The following CYP39A1 variants were observed in gnomAD, a reference collection of about 807,000 sequenced individuals.
CYP39A1 encodes the protein 24-hydroxycholesterol 7-alpha-hydroxylase.
A neutral mutation model predicts 58.1 loss-of-function variants in CYP39A1; 49 were observed. The observed-to-expected ratio is 0.84, with a 90% confidence interval of 0.67 to 1.07. The LOEUF (loss-of-function observed/expected upper bound fraction) is 1.07. Among genes scored for constraint, CYP39A1 ranks in the 50% least tolerant of loss-of-function variants. The probability of loss-of-function intolerance (pLI) is 0.00; values close to 1 mark genes in which losing one functional copy is unlikely to be tolerated. For missense variants in CYP39A1, 531 were observed against 539.4 expected (o/e 0.98, Z 0.16); for synonymous variants, 209 against 187.6 (o/e 1.11, Z -0.93).
At chr6:46,632,005 C>T (rs1775692671) in intron 5 of CYP39A1, among the ~76,000 whole-genome samples, 1 of 152,210 alleles carries the variant, frequency 6.6e-6, no homozygotes, top group South Asian at 2.1e-4. Context: ...AATATCAACT[C>T]ACTGCTTGCT....
At chr6:46,636,914 A>G (rs1776024288) in intron 4 of CYP39A1, among the ~76,000 whole-genome samples, 1 of 152,152 alleles carries the variant, frequency 6.6e-6, no homozygotes, top group Non-Finnish European at 1.5e-5. Context: ...TACGTAGGCT[A>G]TGGTCTGAAT....
Position 46,652,478 on chromosome 6 carries a change from C to A in CYP39A1, c.105G>T (p.Trp35Cys). ...NLRRPPCIKG[W>C]IPWIGVGFEF... Reference sequence around the variant, plus strand: ...CAAATCCAACTCCAATCCAAGGAATCCAGCCCTTGATGCACGGGGGTCTAC... The same window carrying A: ...CAAATCCAACTCCAATCCAAGGAATACAGCCCTTGATGCACGGGGGTCTAC... The change falls in exon 1 of 12, where the codon TGG (tryptophan) becomes TGT (cysteine). Residue 35 changes from tryptophan to cysteine, a missense_variant. By Grantham distance (215) the Trp-to-Cys change is radical (BLOSUM62 -2). Transcript: ENST00000275016. 1.2e-6 allele frequency: 2 copies of A among 1,613,934 alleles called. No individual in the cohort carries two copies. The highest frequency in any genetic ancestry group is 1.1e-5 in the South Asian group (1 of 90,990).
chr6:46,602,820 T>C (rs1341738505), intron 7 of CYP39A1, among the ~76,000 whole-genome samples: 1 of 151,064 alleles, frequency 6.6e-6, no homozygotes, highest in Non-Finnish European at 1.5e-5. Flanking sequence ...TTATCTTTTC[T>C]ATTTTATAAA....
rs114086751 is a variant in CYP39A1, at chr6:46,563,439, A to G, written c.1251-9585T>C. 9.4e-3 allele frequency among the ~76,000 whole-genome samples: 1,427 copies of G among 152,328 alleles called. 21 individuals are homozygous for G. The highest frequency in any genetic ancestry group is 0.033 in the African/African-American group (1,356 of 41,564). ...TAATAAAGCTCATTAAAATAGAAAC[A>G]TGTTGAAAATTTTTTAAATACTTGG... On this transcript the variant is annotated intron_variant, in intron 10 of 11. Coordinates refer to ENST00000275016, the MANE Select transcript of CYP39A1 (RefSeq NM_016593.5).
In CYP39A1 at chr6:46,630,127, C is replaced by CAAAAA. The variant is rs1367795314; in HGVS notation, c.840+835_840+836insTTTTT. Among the ~76,000 whole-genome samples, 1,115 of 143,030 alleles carry CAAAAA rather than the reference C, an allele frequency of 7.8e-3. 19 individuals are homozygous for CAAAAA. Among genetic ancestry groups the CAAAAA allele is most frequent in the African/African-American group, 0.031 (1,018 of 33,024 alleles). 93.8% of individuals were successfully genotyped at this position (143,030 alleles called of 152,430 possible). Reference sequence around the variant, plus strand: ...ACAAAACAAAACAAAACAACAACAACAACAAAAAAACCCACAAAAAACAGT... The same window carrying CAAAAA: ...ACAAAACAAAACAAAACAACAACAACAAAAAAACAAAAAAACCCACAAAAAACAGT... On this transcript the variant is annotated intron_variant, in intron 6 of 11. Coordinates refer to ENST00000275016, the MANE Select transcript of CYP39A1 (RefSeq NM_016593.5).
At chr6:46,636,363 G>T in intron 5 of CYP39A1, 26 bp downstream of exon 5, 1 of 1,478,888 alleles carries the variant, frequency 6.8e-7, no homozygotes. Flanking sequence ...CTTTACATTA[G>T]CAAAAGAAAG....
intron 10 of CYP39A1, among the ~76,000 whole-genome samples, chr6:46,560,626 G>GA (rs1183085785): frequency 1.3e-5 from 2 of 152,154 alleles, no homozygotes; most frequent in African/African-American, 4.8e-5. Context: ...ATGTTGAATG[G>GA]AAGCTAAGTA....
intron 10 of CYP39A1, among the ~76,000 whole-genome samples, chr6:46,574,136 T>C (rs536325498): frequency 6.0e-4 from 91 of 152,310 alleles, no homozygotes; most frequent in Admixed American, 1.5e-3. Flanking sequence ...CTGCTCTGTT[T>C]TATGTTATCA....
intron 7 of CYP39A1, among the ~76,000 whole-genome samples, chr6:46,606,643 G>A (rs537733889): frequency 6.6e-6 from 1 of 152,072 alleles, no homozygotes; most frequent in East Asian, 1.9e-4. Context: ...TTTAACTCTT[G>A]GCATAAACAT....
At chr6:46,580,441 C>T (rs989408187) in intron 10 of CYP39A1, among the ~76,000 whole-genome samples, 3 of 152,068 alleles carry the variant, frequency 2.0e-5, no homozygotes, top group African/African-American at 7.2e-5. Flanking sequence ...GGACATAGGC[C>T]TTGCCAAGGA....
chr6:46,643,699 G>A (rs1043155815), intron 1 of CYP39A1, among the ~76,000 whole-genome samples: 1 of 152,214 alleles, frequency 6.6e-6, no homozygotes, highest in African/African-American at 2.4e-5. Context: ...GTTGATGTGA[G>A]GCATTTAAAG....
At chr6:46,587,344 A>G (rs1772531690) in intron 9 of CYP39A1, among the ~76,000 whole-genome samples, 179 bp from the exon 10 acceptor site, 1 of 152,158 alleles carries the variant, frequency 6.6e-6, no homozygotes, top group Admixed American at 6.6e-5. Flanking sequence ...TGGAACATGA[A>G]CTTATAAATA....
intron 7 of CYP39A1, among the ~76,000 whole-genome samples, chr6:46,616,163 T>TCTTTCTTTCTTTCTTTCTTTC (rs376056800): frequency 1.6e-4 from 1 of 6,212 alleles, no homozygotes; most frequent in South Asian, 0.01. Flanking sequence ...TTTCTTTCTT[T>TCTTTCTTTCTTTCTTTCTTTC]TTTCTTTCTT....
rs1774699006 is a variant in CYP39A1, at chr6:46,617,764, T to C, written c.931+7654A>G. ...GCATAAAATAGGGCAAACAATAATG[T>C]TTAGGAAGGATGATCCAAGGATTAA... On this transcript the variant is annotated intron_variant, in intron 7 of 11. Coordinates refer to ENST00000275016, the MANE Select transcript of CYP39A1 (RefSeq NM_016593.5). 3.3e-5 allele frequency among the ~76,000 whole-genome samples: 5 copies of C among 152,238 alleles called. No individual in the cohort carries two copies. In the South Asian group the frequency reaches 1.0e-3, roughly 32 times the overall value.
chr6:46,586,585 C>T, intron 10 of CYP39A1: 1 of 985,452 alleles, frequency 1.0e-6, no homozygotes, highest in Non-Finnish European at 1.2e-6. Context: ...GGGCTGGGTG[C>T]CAGATTAATT....
chr6:46,592,753 C>G (rs543912295), intron 8 of CYP39A1, among the ~76,000 whole-genome samples: 111 of 152,188 alleles, frequency 7.3e-4, no homozygotes, highest in African/African-American at 2.6e-3. Context: ...GTCAGGAGTT[C>G]CAGACCAGTC....
chr6:46,555,713 T>C (rs1475224793), intron 10 of CYP39A1, among the ~76,000 whole-genome samples: 1 of 152,212 alleles, frequency 6.6e-6, no homozygotes, highest in African/African-American at 2.4e-5. Flanking sequence ...TGTTTGTTGA[T>C]TGAATGAGTG....
intron 6 of CYP39A1, 120 bp downstream of exon 6, chr6:46,630,843 G>GTTTTTTTCT: frequency 1.2e-6 from 1 of 813,814 alleles, no homozygotes; most frequent in Non-Finnish European, 1.9e-6. Context: ...ATCCACTGTA[G>GTTTTTTTCT]TTTTTTTCTT....
intron 8 of CYP39A1, 111 bp from the exon 9 acceptor site, chr6:46,588,240 T>A: frequency 5.2e-6 from 2 of 384,294 alleles, no homozygotes; most frequent in Non-Finnish European, 4.7e-6. Context: ...ATACCTTTTA[T>A]AATTGAATGT....
Sources: gnomAD v4.1 joint callset for allele counts (sites outside exome capture counted in the v4.1 genomes callset) on GRCh38, gnomAD v4.1.1 for gene constraint, MANE v1.5 for transcripts, NCBI Gene and HGNC (gene_info 2026-07-23, HGNC 2026-07-21) for gene names.